Variants in USP32 observed in about 807,000 individuals in gnomAD.
USP32 encodes ubiquitin carboxyl-terminal hydrolase 32.
Under a neutral mutation model 204.8 loss-of-function variants are expected in USP32, and 59 were observed. The observed-to-expected ratio is 0.29, with a 90% CI of 0.23 to 0.36. The LOEUF is 0.36. USP32 is among the 10% of genes least tolerant of loss of function. USP32 has a pLI of 1.00. For synonymous variants in USP32, 517 were observed against 678.4 expected (o/e 0.76, Z 3.70); for missense variants, 1,160 against 1,946.4 (o/e 0.60, Z 7.60).
At chr17:60,392,885 GC>G (rs2089865501), upstream of USP32, among the ~76,000 whole-genome samples, 1 of 152,030 alleles carries the variant, frequency 6.6e-6, no homozygotes, top group African/African-American at 2.4e-5. Flanking sequence ...TGTGCAAAAG[GC>G]TTATCCTCTC....
chr17:60,408,661 A>T (rs768883281), intron 1 of USP32, among the ~76,000 whole-genome samples: 3 of 151,866 alleles, frequency 2.0e-5, no homozygotes, highest in Non-Finnish European at 4.4e-5. Context: ...TACAGGCATG[A>T]GCCACCATGC....
chr17:60,231,167 T>A (rs2085537863), intron 12 of USP32, among the ~76,000 whole-genome samples: 1 of 152,214 alleles, frequency 6.6e-6, no homozygotes. Context: ...ATAAATAGTT[T>A]ATGTGTTCTA....
chr17:60,341,812 T>C (rs891869011), intron 2 of USP32, among the ~76,000 whole-genome samples: 2 of 152,212 alleles, frequency 1.3e-5, no homozygotes, highest in Non-Finnish European at 2.9e-5. Context: ...CTAACCTTTT[T>C]TCAAGGTTTT....
chr17:60,263,304 C>T (rs1404772500), intron 9 of USP32, among the ~76,000 whole-genome samples: 1 of 152,136 alleles, frequency 6.6e-6, no homozygotes, highest in East Asian at 1.9e-4. Flanking sequence ...ATACTACAAA[C>T]TATCCAAGGG....
chr17:60,343,770 G>A (rs987135887), intron 2 of USP32, among the ~76,000 whole-genome samples: 8 of 152,196 alleles, frequency 5.3e-5, no homozygotes, highest in South Asian at 2.1e-4. Context: ...GGTGGCTCAC[G>A]CCTGCAATCC....
upstream of USP32, chr17:60,392,292 G>A (rs1279526355): frequency 2.7e-6 from 1 of 364,520 alleles, no homozygotes; most frequent in Admixed American, 5.0e-5. Context: ...CACTGTTCCC[G>A]GTAACGGCCG....
chr17:60,257,666 G>A (rs937650231), intron 9 of USP32, among the ~76,000 whole-genome samples: 1 of 151,910 alleles, frequency 6.6e-6, no homozygotes, highest in African/African-American at 2.4e-5. Context: ...GAAAAACACA[G>A]AAAAACAAGG....
At chr17:60,229,125 C>T (rs937520989) in intron 12 of USP32, among the ~76,000 whole-genome samples, 82 of 151,954 alleles carry the variant, frequency 5.4e-4, no homozygotes, top group African/African-American at 1.8e-3. Context: ...GCCTATAGCT[C>T]ACTATACCCT....
rs550571217 is a variant in USP32 at position 60,270,556 on chromosome 17, G to A, written c.703+794C>T. Among the ~76,000 whole-genome samples the A allele has an allele frequency of 3.9e-4, 59 of 152,282 alleles. No homozygotes were observed. In the South Asian group the frequency reaches 0.012, roughly 31 times the overall value. On this transcript the variant is annotated intron_variant, in intron 6 of 33. Transcript: ENST00000300896. ...AAGTAACAGCAGACTGGGCGCAGTG[G>A]CTCACGCCTGTAATCCCAGCACTTT... is the stretch of plus-strand genomic sequence containing the variant.
In USP32 at chr17:60,209,401, T is replaced by C; in HGVS notation, c.2567A>G (p.Asp856Gly). ...EKPYVELKDS[D>G]GRPDWEVAAE... is the part of the protein sequence containing the mutation. Reference sequence around the variant, plus strand: ...AGCTACTTCCCAGTCTGGTCGCCCATCACTGTCCTTCAGTTCCACATATGG... The same window carrying C: ...AGCTACTTCCCAGTCTGGTCGCCCACCACTGTCCTTCAGTTCCACATATGG... The change falls in exon 22 of 34, where the codon GAT (aspartate) becomes GGT (glycine). Residue 856 changes from aspartate to glycine, a missense_variant. Coordinates refer to ENST00000300896, the MANE Select transcript of USP32 (RefSeq NM_032582.4). 5 of 1,534,130 alleles carry C rather than the reference T, an allele frequency of 3.3e-6. No homozygotes were observed. The highest frequency in any genetic ancestry group is 4.4e-6 in the Non-Finnish European group (5 of 1,139,128).
At chr17:60,292,736 T>G (rs766284234) in intron 4 of USP32, among the ~76,000 whole-genome samples, 1 of 152,054 alleles carries the variant, frequency 6.6e-6, no homozygotes, top group Non-Finnish European at 1.5e-5. Context: ...TTGGACTCAG[T>G]TCAGCCTACT....
intron 5 of USP32, among the ~76,000 whole-genome samples, chr17:60,274,995 A>C (rs576584319): frequency 7.9e-5 from 12 of 152,274 alleles, no homozygotes; most frequent in South Asian, 6.2e-4. Flanking sequence ...AATACTTATC[A>C]ACTCTAATAT....
chr17:60,381,015 T>C (rs1466070293), intron 1 of USP32, among the ~76,000 whole-genome samples: 1 of 152,230 alleles, frequency 6.6e-6, no homozygotes, highest in African/African-American at 2.4e-5. Flanking sequence ...AATATTTGCA[T>C]AAATGTCATG....
upstream of USP32, among the ~76,000 whole-genome samples, chr17:60,393,613 A>G (rs946471242): frequency 3.3e-5 from 5 of 152,200 alleles, no homozygotes; most frequent in African/African-American, 1.2e-4. Flanking sequence ...GGGCCAGGGA[A>G]AGGTTATTAG....
upstream of USP32, among the ~76,000 whole-genome samples, chr17:60,395,887 G>C (rs1014142214): frequency 2.6e-5 from 4 of 151,970 alleles, no homozygotes; most frequent in Admixed American, 1.3e-4. Flanking sequence ...CTAGAGAGAG[G>C]GAGGTCAATA....
intron 2 of USP32, among the ~76,000 whole-genome samples, chr17:60,334,010 A>G (rs2088453205): frequency 1.3e-5 from 2 of 152,218 alleles, no homozygotes; most frequent in Non-Finnish European, 1.5e-5. Flanking sequence ...GTACTGCACT[A>G]AACACAATAA....
chr17:60,357,552 G>C (rs2089110229), intron 1 of USP32, among the ~76,000 whole-genome samples: 1 of 152,052 alleles, frequency 6.6e-6, no homozygotes, highest in African/African-American at 2.4e-5. Flanking sequence ...TATATATGTA[G>C]ATATATCAGT....
At chr17:60,415,595 C>T (rs2090053691) in intron 1 of USP32, among the ~76,000 whole-genome samples, 1 of 152,164 alleles carries the variant, frequency 6.6e-6, no homozygotes, top group African/African-American at 2.4e-5. Context: ...CTCCCTTAAG[C>T]CCATTGGTGG....
intron 1 of USP32, among the ~76,000 whole-genome samples, chr17:60,419,835 T>C (rs1313320985): frequency 7.0e-6 from 1 of 143,728 alleles, no homozygotes; most frequent in African/African-American, 2.5e-5. Context: ...TTATTATTAT[T>C]ATTATTATTA....
Sources: allele counts gnomAD v4.1 joint callset (sites outside exome capture counted in the v4.1 genomes callset), GRCh38; gene constraint gnomAD v4.1.1; transcripts MANE v1.5; gene names NCBI Gene and HGNC (gene_info 2026-07-23, HGNC 2026-07-21).